PTCHD1: variants seen among roughly 807,000 people sequenced by gnomAD.
The protein encoded by PTCHD1 is patched domain-containing protein 1.
A neutral mutation model predicts 34.6 loss-of-function variants in PTCHD1; 3 were observed. The observed-to-expected ratio is 0.09, with a 90% CI of 0.04 to 0.22. The LOEUF is 0.22. Among genes scored for constraint, PTCHD1 ranks in the 10% least tolerant of loss-of-function variants. The probability of loss-of-function intolerance (pLI) is 1.00; values close to 1 mark genes in which losing one functional copy is unlikely to be tolerated. For missense variants in PTCHD1, 504 were observed against 685.5 expected, an observed-to-expected ratio of 0.74 and a Z score of 2.96; for synonymous variants, 305 against 283.1, an observed-to-expected ratio of 1.08 and a Z score of -0.77.
At position 23,380,007 on chromosome X, in the gene PTCHD1, A is replaced by C. The variant is rs1370267664; in HGVS notation, c.768A>C (p.Ser256=). 1.7e-6 allele frequency: 2 copies of C among 1,211,620 alleles called. No homozygotes were observed. Among genetic ancestry groups the C allele is most frequent in the Admixed American group, 4.3e-5 (2 of 46,049 alleles). The change falls in exon 2 of 3, where the codon TCA becomes TCC. Residue 256 remains serine (S), a synonymous_variant. Transcript: ENST00000379361. ...AAATGTACCCTTACACGTCCTCCTC[A>C]CTGAGGGAAGATTTCCAGAAGACCA... ...KVKMYPYTSS[S]LREDFQKTSR... is the part of the protein sequence containing the mutation.
chrX:23,350,361 A>T (rs930562686), intron 1 of PTCHD1, among the ~76,000 whole-genome samples: 1 of 111,765 alleles, frequency 8.9e-6, no homozygotes, highest in Non-Finnish European at 1.9e-5. Flanking sequence ...AGAATTAATA[A>T]GACTTCAAGA....
intron 1 of PTCHD1, among the ~76,000 whole-genome samples, chrX:23,355,505 T>G (rs1001112577): frequency 2.7e-5 from 3 of 113,058 alleles, no homozygotes; most frequent in African/African-American, 9.6e-5. Flanking sequence ...CATAAGCACC[T>G]CATAATATAA....
At chrX:23,380,327 C>T (rs749554907) in intron 2 of PTCHD1, 76 bp downstream of exon 2, 1 of 935,792 alleles carries the variant, frequency 1.1e-6, no homozygotes, top group Non-Finnish European at 1.5e-6. Context: ...CAGGAGTAGC[C>T]TTCTAACAAC....
intron 2 of PTCHD1, among the ~76,000 whole-genome samples, chrX:23,387,266 C>T (rs1009438485): frequency 3.6e-5 from 4 of 111,747 alleles, no homozygotes; most frequent in African/African-American, 1.3e-4. Flanking sequence ...TTAGTAGATT[C>T]TGTCTTACCG....
Position 23,401,732 on chromosome X carries a change from G to C in PTCHD1, c.*7547G>C, listed in dbSNP as rs1318844562. The C allele has an allele frequency of 8.9e-6, 1 of 112,865 alleles. No homozygotes were observed. Among genetic ancestry groups the C allele is most frequent in the African/African-American group, 3.2e-5 (1 of 31,045 alleles). The allele number at this position is 112,865 out of a possible 1,213,427, so 9.3% of individuals were successfully genotyped here. On this transcript the variant is annotated 3_prime_UTR_variant, in exon 3 of 3. Transcript: ENST00000379361. ...CCAGCCCTATAGTTCTGTAAGGTTT[G>C]GCAGGCCAAAGGCTTCGGATGTCTG...
intron 1 of PTCHD1, among the ~76,000 whole-genome samples, chrX:23,364,072 G>T (rs1409380086): frequency 3.6e-5 from 4 of 111,564 alleles, no homozygotes; most frequent in Non-Finnish European, 7.5e-5. Flanking sequence ...AAATCTCACA[G>T]GTCAGTTAAG....
rs138499462 is a variant in PTCHD1, at chrX:23,382,091, G to A, written c.1012+1840G>A. Reference sequence around the variant, plus strand: ...ATAAGAAAAGAGTGGGGAACTGAAGGGAGATCGTAAGGTTCTCAAGGTGAG... The same window carrying A: ...ATAAGAAAAGAGTGGGGAACTGAAGAGAGATCGTAAGGTTCTCAAGGTGAG... On this transcript the variant is annotated intron_variant, in intron 2 of 2. Transcript: ENST00000379361. Among the ~76,000 whole-genome samples the A allele has an allele frequency of 8.1e-5, 9 of 111,613 alleles. No homozygotes were observed. In the East Asian group the frequency reaches 2.2e-3, roughly 28 times the overall value.
At chrX:23,336,607 A>G (rs1459035534) in intron 1 of PTCHD1, among the ~76,000 whole-genome samples, 2 of 112,217 alleles carry the variant, frequency 1.8e-5, no homozygotes, top group East Asian at 2.8e-4. Flanking sequence ...TAGGGGCTCA[A>G]TGGAATTAGG....
At chrX:23,360,722 T>G (rs1265829452) in intron 1 of PTCHD1, among the ~76,000 whole-genome samples, 1 of 111,723 alleles carries the variant, frequency 9.0e-6, no homozygotes, top group Non-Finnish European at 1.9e-5. Flanking sequence ...GCTACTCCAG[T>G]TCTTTTAATT....
At chrX:23,346,849 T>C (rs1414267096) in intron 1 of PTCHD1, among the ~76,000 whole-genome samples, 4 of 112,048 alleles carry the variant, frequency 3.6e-5, no homozygotes, top group Admixed American at 2.8e-4. Flanking sequence ...GGTACCAGTT[T>C]AGGCAGAGTG....
At chrX:23,366,677 T>TAA (rs2146631264) in intron 1 of PTCHD1, among the ~76,000 whole-genome samples, 1 of 111,467 alleles carries the variant, frequency 9.0e-6, no homozygotes, top group Non-Finnish European at 1.9e-5. Context: ...ACTCTGCACT[T>TAA]CTTTTGTCTT....
chrX:23,356,472 A>C (rs375985815), intron 1 of PTCHD1, among the ~76,000 whole-genome samples: 1 of 111,851 alleles, frequency 8.9e-6, no homozygotes, highest in East Asian at 2.8e-4. Flanking sequence ...AGGGGACTAC[A>C]ACTTGGCTGC....
At chrX:23,389,265 C>A (rs756624145) in intron 2 of PTCHD1, among the ~76,000 whole-genome samples, 1 of 111,629 alleles carries the variant, frequency 9.0e-6, no homozygotes, top group African/African-American at 3.3e-5. Context: ...GAATCCAGGC[C>A]AGAACACAAG....
At chrX:23,368,815 C>A (rs1340947475) in intron 1 of PTCHD1, among the ~76,000 whole-genome samples, 2 of 111,783 alleles carry the variant, frequency 1.8e-5, no homozygotes, top group African/African-American at 6.5e-5. Flanking sequence ...GTAATCCCAG[C>A]ACTTTGGGAG....
chrX:23,382,792 A>G (rs1198764068), intron 2 of PTCHD1, among the ~76,000 whole-genome samples: 3 of 112,472 alleles, frequency 2.7e-5, no homozygotes, highest in Non-Finnish European at 3.8e-5. Flanking sequence ...AGAGTTCTCA[A>G]ATTACTTAGT....
At chrX:23,357,888 C>G (rs910286883) in intron 1 of PTCHD1, among the ~76,000 whole-genome samples, 1 of 111,242 alleles carries the variant, frequency 9.0e-6, no homozygotes, top group Non-Finnish European at 1.9e-5. Flanking sequence ...TAATTCCCAC[C>G]TATGAGTGAG....
chrX:23,335,258 C>T (rs777990921), intron 1 of PTCHD1, 32 bp downstream of exon 1: 6 of 1,130,505 alleles, frequency 5.3e-6, no homozygotes, highest in Non-Finnish European at 7.3e-6. Flanking sequence ...CAGACTCCGC[C>T]AGCGCCGCGG....
rs794727312 is a variant in PTCHD1, at chrX:23,380,061, C to T, written c.822C>T (p.Thr274=). The change falls in exon 2 of 3, where the codon ACC becomes ACT. Residue 274 remains threonine, a synonymous_variant. Coordinates refer to ENST00000379361, the MANE Select transcript of PTCHD1 (RefSeq NM_173495.3). ...TSRVSERYLV[T]SLILVVTMAI... ...GCGTATCAGAACGTTACCTGGTCAC[C>T]AGCCTGATTCTGGTGGTTACCATGG... The T allele has an allele frequency of 3.0e-5, 36 of 1,210,245 alleles. No homozygotes were observed. The highest frequency in any genetic ancestry group is 3.8e-5 in the Non-Finnish European group (34 of 895,237).
chrX:23,371,551 T>A (rs1922279095), intron 1 of PTCHD1, among the ~76,000 whole-genome samples: 1 of 111,522 alleles, frequency 9.0e-6, no homozygotes, highest in Non-Finnish European at 1.9e-5. Flanking sequence ...ATTGAGATAG[T>A]ATGTTAGTGC....
Sources: gnomAD v4.1 joint callset for allele counts (sites outside exome capture counted in the v4.1 genomes callset) on GRCh38, gnomAD v4.1.1 for gene constraint, MANE v1.5 for transcripts, NCBI Gene and HGNC (gene_info 2026-07-23, HGNC 2026-07-21) for gene names.